The following ZNF560 variants were observed in gnomAD, a reference collection of about 807,000 sequenced individuals.
ZNF560 encodes the protein zinc finger protein 560.
In ZNF560, 54 loss-of-function variants were observed where a neutral mutation model predicts 81.8. The observed-to-expected ratio is 0.66, with a 90% CI of 0.53 to 0.83. The LOEUF (loss-of-function observed/expected upper bound fraction) is 0.83, where lower values mean the gene tolerates loss of function less well. ZNF560 is among the 40% of genes least tolerant of loss of function. ZNF560 has a pLI of 0.00. For missense variants in ZNF560, 940 were observed against 932.4 expected (o/e 1.01, Z -0.11); for synonymous variants, 321 against 317.9 (o/e 1.01, Z -0.10).
the ZNF560 span, among the ~76,000 whole-genome samples, chr19:9,460,177 C>T: frequency 1.3e-5 from 2 of 152,254 alleles, no homozygotes; most frequent in East Asian, 1.9e-4. Context: ...TTGGGAGGAT[C>T]CCAAACACCC....
intron 2 of ZNF560, among the ~76,000 whole-genome samples, chr19:9,495,457 G>C (rs1030121791): frequency 3.3e-5 from 5 of 152,184 alleles, no homozygotes; most frequent in African/African-American, 1.2e-4. Context: ...TGCAATCCCA[G>C]CACTTTGGGA....
chr19:9,466,871 G>C lies in ZNF560; in HGVS notation c.2076C>G (p.Ser692=). ...KTSECNACGN[S]FRNSMCFHDR... The stretch of plus-strand genomic sequence containing the variant: ...CATGAAAGCACATGGAATTTCGAAA[G>C]GAATTTCCACATGCGTTACATTCAG... The change falls in exon 10 of 10, where the codon TCC becomes TCG. Residue 692 remains serine, a synonymous_variant. Transcript: ENST00000301480. 1 of 1,614,042 alleles carries C rather than the reference G, an allele frequency of 6.2e-7. No homozygotes were observed. The highest frequency in any genetic ancestry group is 1.1e-5 in the South Asian group (1 of 91,076).
chr19:9,483,769 G>A (rs1305068222), intron 2 of ZNF560, among the ~76,000 whole-genome samples: 6 of 151,948 alleles, frequency 3.9e-5, no homozygotes, highest in African/African-American at 1.2e-4. Context: ...CCCTCTGCCC[G>A]GCCGCCACCC....
chr19:9,497,293 T>TA (rs1223390242), intron 2 of ZNF560, among the ~76,000 whole-genome samples: 1 of 152,128 alleles, frequency 6.6e-6, no homozygotes, highest in Non-Finnish European at 1.5e-5. Flanking sequence ...ACAACACTCT[T>TA]ATCATTGAGT....
intron 2 of ZNF560, among the ~76,000 whole-genome samples, chr19:9,483,797 C>A (rs1206895899): frequency 6.6e-6 from 1 of 152,160 alleles, no homozygotes; most frequent in African/African-American, 2.4e-5. Flanking sequence ...GAGGTGTACC[C>A]AACAGCTCAT....
chr19:9,499,109 G>A (rs190632093), upstream of ZNF560, among the ~76,000 whole-genome samples: 1 of 152,094 alleles, frequency 6.6e-6, no homozygotes, highest in East Asian at 1.9e-4. Context: ...TGATTCCTCT[G>A]CGTTTTCAGT....
chr19:9,502,947 A>T (rs1290176764), upstream of ZNF560, among the ~76,000 whole-genome samples: 1 of 152,070 alleles, frequency 6.6e-6, no homozygotes, highest in Non-Finnish European at 1.5e-5. Flanking sequence ...TCTATTCTCC[A>T]TTTCACGTAT....
Position 9,470,380 on chromosome 19 carries a change from T to C in ZNF560, c.448+12A>G. ...TTCCAGAATAGGCTACAAGGGATGATGCCAGACTTACCTACTGAGGACAGG... is the reference window on the plus strand; with the variant it reads ...TTCCAGAATAGGCTACAAGGGATGACGCCAGACTTACCTACTGAGGACAGG... On this transcript the variant is annotated intron_variant, in intron 7 of 9. Coordinates refer to ENST00000301480, the MANE Select transcript of ZNF560 (RefSeq NM_152476.3). 5 of 1,604,182 alleles carry C rather than the reference T, an allele frequency of 3.1e-6. No individual in the cohort carries two copies. The highest frequency in any genetic ancestry group is 4.3e-6 in the Non-Finnish European group (5 of 1,175,350).
At chr19:9,481,154 A>C (rs565379806) in intron 2 of ZNF560, among the ~76,000 whole-genome samples, 53 of 152,208 alleles carry the variant, frequency 3.5e-4, no homozygotes, top group Admixed American at 7.8e-4. Context: ...CAAACCAGAC[A>C]AAAACAAGAA....
intron 2 of ZNF560, among the ~76,000 whole-genome samples, chr19:9,483,189 C>T (rs2073321441): frequency 1.3e-5 from 2 of 151,768 alleles, no homozygotes. Context: ...AGTGCCTCTT[C>T]CCGGCCGCCA....
downstream of ZNF560, among the ~76,000 whole-genome samples, chr19:9,461,797 T>A (rs2072935642): frequency 6.6e-6 from 1 of 152,170 alleles, no homozygotes; most frequent in Non-Finnish European, 1.5e-5. Flanking sequence ...TAAAAAAAAG[T>A]ATCTGGAAGG....
chr19:9,474,877 G>C (rs1599658433), intron 3 of ZNF560, among the ~76,000 whole-genome samples: 1 of 131,292 alleles, frequency 7.6e-6, no homozygotes, highest in East Asian at 2.3e-4. Flanking sequence ...ATGTTGCCCA[G>C]GCTGGTCTCA....
intron 2 of ZNF560, among the ~76,000 whole-genome samples, chr19:9,486,258 G>C (rs1413191639): frequency 6.6e-6 from 1 of 152,024 alleles, no homozygotes; most frequent in Non-Finnish European, 1.5e-5. Flanking sequence ...ACTAGCACAG[G>C]GTCCAAACTT....
At chr19:9,472,020 G>A (rs767676912) in intron 5 of ZNF560, among the ~76,000 whole-genome samples, 4 of 151,804 alleles carry the variant, frequency 2.6e-5, no homozygotes, top group Non-Finnish European at 5.9e-5. Context: ...TGAGGCAGGA[G>A]AATGGCATGA....
the ZNF560 span, among the ~76,000 whole-genome samples, chr19:9,447,727 A>C: frequency 0.048 from 7,287 of 152,188 alleles, 595 homozygotes; most frequent in African/African-American, 0.17. Context: ...AAAGTGATCA[A>C]ATTTACAAAT....
chr19:9,487,163 T>C (rs1452847889), intron 2 of ZNF560, among the ~76,000 whole-genome samples: 1 of 152,222 alleles, frequency 6.6e-6, no homozygotes, highest in African/African-American at 2.4e-5. Context: ...TAAAAATTGC[T>C]TCCCTCCTTT....
chr19:9,494,354 G>A lies in ZNF560; in HGVS notation c.-57+3774C>T, dbSNP rs150917195. ...TTATCCATCTCAGCTCCAAATTCAC[G>A]ATCATATCTGCTAGGAACAAAGGGC... On this transcript the variant is annotated intron_variant, in intron 2 of 9. Coordinates refer to ENST00000301480, the MANE Select transcript of ZNF560 (RefSeq NM_152476.3). Among the ~76,000 whole-genome samples the A allele has an allele frequency of 4.9e-3, 746 of 152,224 alleles. 4 individuals are homozygous for A. Among genetic ancestry groups the A allele is most frequent in the Middle Eastern group, 0.041 (12 of 294 alleles).
intron 2 of ZNF560, among the ~76,000 whole-genome samples, chr19:9,495,446 C>A (rs998510509): frequency 6.6e-6 from 1 of 152,246 alleles, no homozygotes; most frequent in African/African-American, 2.4e-5. Context: ...TAGCTCACGG[C>A]TGCAATCCCA....
the ZNF560 span, among the ~76,000 whole-genome samples, chr19:9,458,824 C>G: frequency 5.9e-5 from 9 of 152,254 alleles, no homozygotes; most frequent in African/African-American, 2.2e-4. Context: ...CGATGCCCAA[C>G]TTGCCAAATG....
Sources: gnomAD v4.1 joint callset for allele counts (sites outside exome capture counted in the v4.1 genomes callset) on GRCh38, gnomAD v4.1.1 for gene constraint, MANE v1.5 for transcripts, NCBI Gene and HGNC (gene_info 2026-07-23, HGNC 2026-07-21) for gene names.